ZNF302: variants seen among roughly 807,000 people sequenced by gnomAD.
ZNF302 encodes the protein zinc finger protein 302.
ZNF302 carries 12 observed loss-of-function variants against 10.8 expected under a neutral mutation model. The observed-to-expected ratio is 1.11, with a 90% confidence interval of 0.71 to 1.79. The LOEUF (loss-of-function observed/expected upper bound fraction) is 1.79. Among genes scored for constraint, ZNF302 ranks in the 40% most tolerant of loss-of-function variants. The pLI is 0.00. For missense variants in ZNF302, 461 were observed against 471.1 expected (o/e 0.98, Z 0.20); for synonymous variants, 178 against 157.5 (o/e 1.13, Z -0.98).
intron 4 of ZNF302, among the ~76,000 whole-genome samples, chr19:34,683,589 C>G (rs994706324): frequency 3.9e-5 from 6 of 152,072 alleles, no homozygotes; most frequent in Admixed American, 1.3e-4. Context: ...TGGAAAATCA[C>G]TTTTCTAAAG....
chr19:34,682,493 A>C (rs2068406482), intron 2 of ZNF302: 1 of 275,506 alleles, frequency 3.6e-6, no homozygotes, highest in Non-Finnish European at 6.7e-6. Context: ...ATTTTTAAAA[A>C]TTCATATAAT....
At chr19:34,683,291 G>A (rs1433428888) in intron 4 of ZNF302, 53 bp downstream of exon 4, 125 of 1,607,388 alleles carry the variant, frequency 7.8e-5, no homozygotes, top group Non-Finnish European at 1.0e-4. Context: ...TTTTGTTAAA[G>A]ATGTTTATAG....
upstream of ZNF302, chr19:34,676,210 T>G (rs1382848899): frequency 6.6e-6 from 1 of 152,250 alleles, no homozygotes; most frequent in Non-Finnish European, 1.5e-5. Flanking sequence ...CACAGAGCAC[T>G]GATTGGTGTA....
In ZNF302 at chr19:34,684,499, G is replaced by T. The variant is rs368516348; in HGVS notation, c.462G>T (p.Lys154Asn). The T allele has an allele frequency of 3.2e-5, 51 of 1,612,374 alleles. No homozygotes were observed. In the Middle Eastern group the frequency reaches 9.9e-4, roughly 31 times the overall value. The stretch of plus-strand genomic sequence containing the variant: ...CACACAAATATGATATATTAAAGAA[G>T]AATTTATCAAAAAAGTCAGTTATAA... Reference protein sequence around the residue: ...GNSHKYDILKKNLSKKSVIKS... With the variant: ...GNSHKYDILKNNLSKKSVIKS... Residue 154 changes from lysine (K) to asparagine (N), a missense_variant, in exon 5 of 5, where the codon AAG (lysine) becomes AAT (asparagine). By Grantham distance (94) the Lys-to-Asn change is moderately conservative. Transcript: ENST00000505242.
At position 34,685,426 on chromosome 19, in the gene ZNF302, C is replaced by T; in HGVS notation, c.*189C>T. 1.2e-6 allele frequency: 2 copies of T among 1,603,502 alleles called. No homozygotes were observed. The highest frequency in any genetic ancestry group is 1.7e-6 in the Non-Finnish European group (2 of 1,170,744). On this transcript the variant is annotated 3_prime_UTR_variant, in exon 5 of 5. Transcript: ENST00000505242. ...GTATTAAATGTGGGAAGACCTTCAGCTGTAGTTCAAACCTTACTGTACATC... is the reference window on the plus strand; with the variant it reads ...GTATTAAATGTGGGAAGACCTTCAGTTGTAGTTCAAACCTTACTGTACATC...
rs1025301654 is a variant in ZNF302, at chr19:34,680,034, G to C, written c.9+1221G>C. 1.6e-5 allele frequency: 11 copies of C among 671,474 alleles called. No individual in the cohort carries two copies. In the African/African-American group the frequency reaches 1.9e-4, roughly 12 times the overall value. 41.6% of individuals were successfully genotyped at this position (671,474 alleles called of 1,614,324 possible). A position where few individuals can be genotyped will look rare whatever the true frequency, so the allele number is the denominator to read the frequency against. ...TAAGATAATTAGAATTGAAAAACTG[G>C]TGTGGTAGTGCATGCCTGTTGTCCC... is the stretch of plus-strand genomic sequence containing the variant. On this transcript the variant is annotated intron_variant, in intron 2 of 4. Transcript: ENST00000505242.
chr19:34,676,144 T>C (rs1245059779), upstream of ZNF302: 1 of 152,216 alleles, frequency 6.6e-6, no homozygotes, highest in African/African-American at 2.4e-5. Context: ...TACAGAGTGC[T>C]GTTTGGTCCG....
intron 3 of ZNF302, 101 bp downstream of exon 3, chr19:34,682,998 T>C: frequency 6.3e-7 from 1 of 1,577,948 alleles, no homozygotes; most frequent in South Asian, 1.2e-5. Flanking sequence ...TTCTGTACCA[T>C]GCTCCCGAGG....
Position 34,684,915 on chromosome 19 carries a change from C to A in ZNF302, c.878C>A (p.Ser293Tyr). The change falls in exon 5 of 5, where the codon TCT becomes TAT. Residue 293 changes from serine to tyrosine, a missense_variant. By Grantham distance (144) the Ser-to-Tyr change is moderately radical (BLOSUM62 -2). Transcript: ENST00000505242. ...TATGAATGTATGAACTGTGGAAAGT[C>A]TTTTAGTCGTGTGTCCCTTCTCATT... ...KPYECMNCGK[S>Y]FSRVSLLIQH... 6.2e-7 allele frequency: 1 copy of A among 1,613,968 alleles called. No homozygotes were observed. Among genetic ancestry groups the A allele is most frequent in the South Asian group, 1.1e-5 (1 of 91,068 alleles).
At position 34,677,900 on chromosome 19, in the gene ZNF302, C is replaced by CG. The variant is rs1307382376; in HGVS notation, c.-271dup. 1.3e-5 allele frequency: 2 copies of CG among 152,294 alleles called. No individual in the cohort carries two copies. Among genetic ancestry groups the CG allele is most frequent in the African/African-American group, 2.4e-5 (1 of 41,464 alleles). 9.4% of individuals were successfully genotyped at this position (152,294 alleles called of 1,614,324 possible). ...GACGGCGGGGCTAAGGCCCTGGGTC[C>CG]GCGCGCGGTTTGACCACGGCCGGGG... On this transcript the variant is annotated 5_prime_UTR_variant, in exon 1 of 5. Transcript: ENST00000505242.
intron 2 of ZNF302, among the ~76,000 whole-genome samples, chr19:34,679,520 C>G (rs73043954): frequency 5.3e-5 from 8 of 152,206 alleles, no homozygotes; most frequent in Non-Finnish European, 1.0e-4. Flanking sequence ...CATTCCTGTG[C>G]GCTCCAGCCT....
intron 1 of ZNF302, among the ~76,000 whole-genome samples, chr19:34,678,509 G>C (rs572356020): frequency 6.6e-6 from 1 of 151,880 alleles, no homozygotes; most frequent in Admixed American, 6.5e-5. Flanking sequence ...AGCTGATAAA[G>C]TTGTTACCGT....
At chr19:34,678,696 A>AT (rs2068149831) in intron 1 of ZNF302, 41 bp from the exon 2 acceptor site, 2 of 1,354,536 alleles carry the variant, frequency 1.5e-6, no homozygotes, top group Non-Finnish European at 2.1e-6. Flanking sequence ...GATAAGCCCG[A>AT]TTTTTCATGA....
At chr19:34,684,163 T>A (rs1169641316) in intron 4 of ZNF302, 89 bp from the exon 5 acceptor site, 6 of 994,278 alleles carry the variant, frequency 6.0e-6, no homozygotes, top group Non-Finnish European at 7.9e-6. Flanking sequence ...GAAGCTTTTT[T>A]CAAGAAGTAA....
chr19:34,678,887 C>G (rs2068168545), intron 2 of ZNF302, 74 bp downstream of exon 2: 5 of 1,561,504 alleles, frequency 3.2e-6, no homozygotes, highest in Non-Finnish European at 4.4e-6. Context: ...CTTCTCCTGC[C>G]TGTTCCCACC....
At chr19:34,683,992 C>A in intron 4 of ZNF302, 1 of 1,451,722 alleles carries the variant, frequency 6.9e-7, no homozygotes, top group South Asian at 1.5e-5. Context: ...TTTCGTACAG[C>A]TTACCCATTT....
chr19:34,683,873 A>T, intron 4 of ZNF302: 1 of 898,056 alleles, frequency 1.1e-6, no homozygotes, highest in Non-Finnish European at 1.5e-6. Context: ...TATGAAACAA[A>T]ATGCAACCTT....
intron 2 of ZNF302, 122 bp from the exon 3 acceptor site, chr19:34,682,655 A>G (rs2068415534): frequency 1.4e-6 from 2 of 1,445,464 alleles, no homozygotes; most frequent in African/African-American, 2.9e-5. Flanking sequence ...TCACATTCCC[A>G]GTCATTGTCA....
At position 34,684,344 on chromosome 19, in the gene ZNF302, G is replaced by A; in HGVS notation, c.307G>A (p.Val103Ile). The A allele has an allele frequency of 3.1e-6, 5 of 1,600,384 alleles. No homozygotes were observed. Among genetic ancestry groups the A allele is most frequent in the South Asian group, 1.1e-5 (1 of 87,170 alleles). Residue 103 changes from valine (V) to isoleucine (I), a missense_variant, in exon 5 of 5, where the codon GTA becomes ATA. Coordinates refer to ENST00000505242, the MANE Select transcript of ZNF302 (RefSeq NM_001289187.2). ...CCAACCAGTAACAATGGAAAAAGTTGTAAAACAAAGTTATGAATTTTCAAA... is the reference window on the plus strand; with the variant it reads ...CCAACCAGTAACAATGGAAAAAGTTATAAAACAAAGTTATGAATTTTCAAA... ...SPQPVTMEKV[V>I]KQSYEFSNSN...
Sources: allele counts gnomAD v4.1 joint callset (sites outside exome capture counted in the v4.1 genomes callset), GRCh38; gene constraint gnomAD v4.1.1; transcripts MANE v1.5; gene names NCBI Gene and HGNC (gene_info 2026-07-23, HGNC 2026-07-21).